CRBN: variants seen among roughly 807,000 people sequenced by gnomAD.
The protein encoded by CRBN is protein cereblon.
Under a neutral mutation model 62.2 loss-of-function variants are expected in CRBN, and 53 were observed. The ratio of observed to expected loss-of-function variants is 0.85; its 90% CI spans 0.68 to 1.07. The LOEUF is 1.07. Ranked by LOEUF, CRBN falls within the 50% of genes least tolerant of loss-of-function variation. The probability of loss-of-function intolerance (pLI) is 0.00; values close to 1 mark genes in which losing one functional copy is unlikely to be tolerated. For missense variants in CRBN, 616 were observed against 531.1 expected (o/e 1.16, Z -1.57); for synonymous variants, 208 against 176.1 (o/e 1.18, Z -1.43).
chr3:3,161,647 A>G (rs948254847), intron 5 of CRBN, among the ~76,000 whole-genome samples: 11 of 152,174 alleles, frequency 7.2e-5, no homozygotes, highest in Non-Finnish European at 1.6e-4. Flanking sequence ...TCAGCCTCCC[A>G]AAGTGCTGGG....
chr3:3,156,634 G>C (rs1295147695), intron 5 of CRBN: 2 of 265,528 alleles, frequency 7.5e-6, no homozygotes, highest in Non-Finnish European at 1.4e-5. Context: ...AGTATCTGAA[G>C]TGAAAACCTC....
In CRBN at chr3:3,169,769, G is replaced by C. The variant is rs552149509; in HGVS notation, c.528-1976C>G. Among the ~76,000 whole-genome samples the C allele has an allele frequency of 2.6e-5, 4 of 152,172 alleles. No individual in the cohort carries two copies. The South Asian group carries it at 8.3e-4, about 32-fold the overall frequency. On this transcript the variant is annotated intron_variant, in intron 4 of 10. Transcript: ENST00000231948. ...CTAACTTTTTGACTAACAATTATTG[G>C]TCTCAGTCTAGACAGGTAAGAGATC...
At chr3:3,157,901 G>C (rs529078162) in intron 5 of CRBN, among the ~76,000 whole-genome samples, 6 of 152,318 alleles carry the variant, frequency 3.9e-5, no homozygotes, top group African/African-American at 1.4e-4. Flanking sequence ...GTTCAGTTTA[G>C]AGCTGTCTCT....
chr3:3,157,692 C>T (rs1009956525), intron 5 of CRBN, among the ~76,000 whole-genome samples: 4 of 152,108 alleles, frequency 2.6e-5, no homozygotes, highest in South Asian at 4.1e-4. Flanking sequence ...AATTGTACTA[C>T]GCAACTGTAC....
Position 3,167,604 on chromosome 3 carries a change from T to C in CRBN, c.687+30A>G, listed in dbSNP as rs753681447. On this transcript the variant is annotated intron_variant, in intron 5 of 10. Transcript: ENST00000231948. ...AAAAAAAACAACCTGTCTTCATTTT[T>C]TGAAGATGCATAAAAAATTAGTTTC... 8 of 1,602,646 alleles carry C rather than the reference T, an allele frequency of 5.0e-6. No homozygotes were observed. The East Asian group carries it at 6.7e-5, about 13-fold the overall frequency.
rs796402821 is a variant in CRBN, at chr3:3,163,070, A to C, written c.687+4564T>G. On this transcript the variant is annotated intron_variant, in intron 5 of 10. Transcript: ENST00000231948. Reference sequence around the variant, plus strand: ...TGTTGGATTCCTTTTTGATGCACACAGAATGGCTCTAAGTGGTCTCTCTAA... The same window carrying C: ...TGTTGGATTCCTTTTTGATGCACACCGAATGGCTCTAAGTGGTCTCTCTAA... Among the ~76,000 whole-genome samples, 5 of 152,216 alleles carry C rather than the reference A, an allele frequency of 3.3e-5. No individual in the cohort carries two copies. The East Asian group carries it at 9.6e-4, about 29-fold the overall frequency.
intron 4 of CRBN, among the ~76,000 whole-genome samples, chr3:3,170,475 C>T (rs1291229208): frequency 6.6e-6 from 1 of 152,038 alleles, no homozygotes; most frequent in East Asian, 1.9e-4. Flanking sequence ...GAAGGAGTAC[C>T]AGTTTGGAAG....
chr3:3,178,216 A>G (rs1457332731), intron 1 of CRBN, among the ~76,000 whole-genome samples: 1 of 152,138 alleles, frequency 6.6e-6, no homozygotes, highest in East Asian at 1.9e-4. Context: ...TCAGCTTTCC[A>G]TCAAAGGCTG....
chr3:3,153,441 GGTT>G lies in CRBN; in HGVS notation c.996_998del (p.Thr333del), dbSNP rs1193245556. On this transcript the variant is annotated inframe_deletion, in exon 9 of 11. Transcript: ENST00000231948. ...GACCTTACCTGAATATTTCATTTTT[GGTT>G]GTTATTTCTGTTTCTTGACATTGTT... The G allele has an allele frequency of 6.4e-7, 1 of 1,558,208 alleles. No homozygotes were observed. Among genetic ancestry groups the G allele is most frequent in the Non-Finnish European group, 8.9e-7 (1 of 1,129,532 alleles).
chr3:3,161,270 C>G (rs1295169481), intron 5 of CRBN, among the ~76,000 whole-genome samples: 1 of 152,112 alleles, frequency 6.6e-6, no homozygotes, highest in Non-Finnish European at 1.5e-5. Flanking sequence ...GAAAAATGGG[C>G]AAACACTTTA....
intron 5 of CRBN, chr3:3,156,608 T>C (rs1706903212): frequency 1.2e-5 from 4 of 320,044 alleles, no homozygotes; most frequent in Non-Finnish European, 2.3e-5. Flanking sequence ...GTTGCCTTTA[T>C]ACTAATTACT....
chr3:3,152,372 G>A, intron 10 of CRBN, 84 bp downstream of exon 10: 1 of 1,372,144 alleles, frequency 7.3e-7, no homozygotes, highest in Non-Finnish European at 1.0e-6. Context: ...TAAAGATTGT[G>A]GCAACTCTGC....
chr3:3,149,634 C>G (rs898959966), downstream of CRBN: 3 of 151,998 alleles, frequency 2.0e-5, no homozygotes, highest in African/African-American at 7.2e-5. Flanking sequence ...CCAGTGAAGT[C>G]ACACAAACCC....
chr3:3,165,491 C>T (rs1167417818), intron 5 of CRBN, among the ~76,000 whole-genome samples: 2 of 152,130 alleles, frequency 1.3e-5, no homozygotes, highest in African/African-American at 2.4e-5. Flanking sequence ...AGTCAGCAGC[C>T]ATCAACAGCA....
chr3:3,164,395 T>C (rs765408649), intron 5 of CRBN, among the ~76,000 whole-genome samples: 5 of 152,150 alleles, frequency 3.3e-5, no homozygotes, highest in African/African-American at 4.8e-5. Context: ...GTTTTAATGG[T>C]CTGGACAGAA....
chr3:3,175,125 T>G lies in CRBN; in HGVS notation c.174+38A>C. On this transcript the variant is annotated intron_variant, in intron 2 of 10. Transcript: ENST00000231948. ...ATGAACTTTTATCTACATTTAAATG[T>G]ATATCTATTATATTAGATCTGTCAC... 3 of 1,248,638 alleles carry G rather than the reference T, an allele frequency of 2.4e-6. No individual in the cohort carries two copies. In the Middle Eastern group the frequency reaches 6.1e-4, roughly 253 times the overall value. The allele number at this position is 1,248,638 out of a possible 1,614,324, so 77.3% of individuals were successfully genotyped here. A position where few individuals can be genotyped will look rare whatever the true frequency, so the allele number is the denominator to read the frequency against.
rs1433224592 is a variant in CRBN at position 3,172,761 on chromosome 3, T to C, written c.527+15A>G. 6.2e-7 allele frequency: 1 copy of C among 1,609,418 alleles called. No homozygotes were observed. Among genetic ancestry groups the C allele is most frequent in the Non-Finnish European group, 8.5e-7 (1 of 1,175,842 alleles). On this transcript the variant is annotated intron_variant, in intron 4 of 10. Transcript: ENST00000231948. ...GAAACATTCAAAGAGCATTAAGGTATATGTTATTTCTTACCCATCTGACTG... is the reference window on the plus strand; with the variant it reads ...GAAACATTCAAAGAGCATTAAGGTACATGTTATTTCTTACCCATCTGACTG...
intron 5 of CRBN, among the ~76,000 whole-genome samples, chr3:3,164,651 G>A (rs1186264297): frequency 6.6e-6 from 1 of 152,200 alleles, no homozygotes; most frequent in Admixed American, 6.5e-5. Flanking sequence ...TAAGCCTGCT[G>A]TTGAGACCTA....
At chr3:3,151,287 A>AAT (rs1287704239) in intron 10 of CRBN, among the ~76,000 whole-genome samples, 1 of 152,238 alleles carries the variant, frequency 6.6e-6, no homozygotes, top group Non-Finnish European at 1.5e-5. Flanking sequence ...ACTGCATAGA[A>AAT]ATAAAGAGTA....
Sources: gnomAD v4.1 joint callset for allele counts (sites outside exome capture counted in the v4.1 genomes callset) on GRCh38, gnomAD v4.1.1 for gene constraint, MANE v1.5 for transcripts, NCBI Gene and HGNC (gene_info 2026-07-23, HGNC 2026-07-21) for gene names.